UNC13A: variants seen among roughly 807,000 people sequenced by gnomAD.
UNC13A encodes the protein protein unc-13 homolog A.
A neutral mutation model predicts 219.7 loss-of-function variants in UNC13A; 61 were observed. That is an observed-to-expected ratio of 0.28 (90% CI 0.23 to 0.34). UNC13A has a LOEUF of 0.34. Among genes scored for constraint, UNC13A ranks in the 10% least tolerant of loss-of-function variants. The pLI is 1.00. For synonymous variants in UNC13A, 920 were observed against 884.6 expected (o/e 1.04, Z -0.71); for missense variants, 1,476 against 2,270.3 (o/e 0.65, Z 7.11).
intron 40 of UNC13A, 81 bp downstream of exon 40, chr19:17,618,340 G>A (rs1004693558): frequency 1.8e-5 from 25 of 1,414,146 alleles, no homozygotes; most frequent in African/African-American, 5.7e-5. Flanking sequence ...ATGTGGGTCC[G>A]AGGCGAGCCT....
intron 1 of UNC13A, among the ~76,000 whole-genome samples, chr19:17,679,050 G>A (rs1192705214): frequency 1.3e-5 from 2 of 152,096 alleles, no homozygotes; most frequent in Admixed American, 6.5e-5. Flanking sequence ...CTTGAGCCCA[G>A]GAGTTCAAGA....
rs1055095303 is a variant in UNC13A at position 17,674,680 on chromosome 19, G to C, written c.129C>G (p.Pro43=). ...STTIAVRGSQ[P]SWEQDFMFEI... ...ACAACATGAAATCCTGCTCCCAGCT[G>C]GGCTGGCTGCCCCGCACCGCGATGG... The change falls in exon 3 of 44, where the codon CCC becomes CCG. Residue 43 remains proline, a synonymous_variant. Transcript: ENST00000519716. This position sits in a 1 kb window ranked among gnomAD's most constrained non-coding sequence, Gnocchi z 5.0. The C allele has an allele frequency of 1.4e-5, 22 of 1,613,736 alleles. No individual in the cohort carries two copies. The highest frequency in any genetic ancestry group is 1.8e-5 in the Non-Finnish European group (21 of 1,179,860).
At chr19:17,625,445 C>T (rs2076772308) in intron 34 of UNC13A, among the ~76,000 whole-genome samples, 1 of 152,074 alleles carries the variant, frequency 6.6e-6, no homozygotes, top group Non-Finnish European at 1.5e-5. Context: ...AGGCAGTCCA[C>T]CAAGATCCAT....
rs767832908 is a variant in UNC13A at position 17,606,177 on chromosome 19, G to A, written c.4989C>T (p.Asp1663=). Residue 1663 remains aspartate, a synonymous_variant, in exon 44 of 44, where the codon GAC becomes GAT. Coordinates refer to ENST00000519716, the MANE Select transcript of UNC13A (RefSeq NM_001080421.3). ...GGATTCGCAGCACCGTGAGGCCCGTGTCGTCCATGTGGATGCGGCGGCCGA... is the reference window on the plus strand; with the variant it reads ...GGATTCGCAGCACCGTGAGGCCCGTATCGTCCATGTGGATGCGGCGGCCGA... ...LPLGRRIHMD[D]TGLTVLRILS... 4.8e-4 allele frequency: 759 copies of A among 1,569,138 alleles called. 1 individual carries two copies. The highest frequency in any genetic ancestry group is 5.9e-4 in the Non-Finnish European group (687 of 1,159,100).
rs1469665775 is a variant in UNC13A, at chr19:17,633,202, G to A, written c.3216-9C>T. On this transcript the variant is annotated splice_polypyrimidine_tract_variant and intron_variant, in intron 26 of 43. Coordinates refer to ENST00000519716, the MANE Select transcript of UNC13A (RefSeq NM_001080421.3). ...TCAGCTCCTGGGGAAACCTGGCAAA[G>A]TCATGGAAGTATAAAACTTTGGCAG... 1 of 1,613,972 alleles carries A rather than the reference G, an allele frequency of 6.2e-7. No homozygotes were observed. The highest frequency in any genetic ancestry group is 8.5e-7 in the Non-Finnish European group (1 of 1,179,878).
chr19:17,610,123 G>A, intron 42 of UNC13A, 24 bp from the exon 43 acceptor site: 1 of 1,613,378 alleles, frequency 6.2e-7, no homozygotes, highest in Non-Finnish European at 8.5e-7. Context: ...TAGAGGGTAA[G>A]ACAGGTCAGG....
At chr19:17,608,659 A>T (rs1775728430) in intron 43 of UNC13A, among the ~76,000 whole-genome samples, 3 of 150,966 alleles carry the variant, frequency 2.0e-5, no homozygotes, top group African/African-American at 7.3e-5. Context: ...CTGGGACTAC[A>T]GGCGCCCGCC....
At position 17,645,994 on chromosome 19, in the gene UNC13A, G is replaced by A; in HGVS notation, c.2162C>T (p.Pro721Leu). 1.2e-6 allele frequency: 2 copies of A among 1,612,862 alleles called. No homozygotes were observed. The highest frequency in any genetic ancestry group is 1.7e-6 in the Non-Finnish European group (2 of 1,179,406). The change falls in exon 18 of 44, where the codon CCG becomes CTG. Residue 721 changes from proline to leucine, a missense_variant. By Grantham distance (98) the Pro-to-Leu change is moderately conservative. This residue lies in a region of UNC13A where 66 missense variants were observed against 224.3 expected (regional missense o/e 0.29). Transcript: ENST00000519716. ...CAAGTGGAAATTCTCCTCCCACACC[G>A]GGTTGAGGTTCCCATAGATGGTTTT... ...RTKTIYGNLN[P>L]VWEENFHFEC...
At chr19:17,608,304 TATA>T (rs1273319351) in intron 43 of UNC13A, among the ~76,000 whole-genome samples, 10 of 139,636 alleles carry the variant, frequency 7.2e-5, no homozygotes, top group Admixed American at 2.3e-4. Flanking sequence ...ATATACTATA[TATA>T]ATTTTATTTA....
chr19:17,619,645 C>T (rs2076707134), intron 38 of UNC13A, among the ~76,000 whole-genome samples: 1 of 151,978 alleles, frequency 6.6e-6, no homozygotes, highest in African/African-American at 2.4e-5. Flanking sequence ...GTTGTCCAGG[C>T]TGGTCTTGAA....
intron 8 of UNC13A, among the ~76,000 whole-genome samples, chr19:17,661,100 G>C (rs1452914431): frequency 9.2e-6 from 1 of 109,050 alleles, no homozygotes; most frequent in African/African-American, 3.5e-5. Flanking sequence ...CACCACACCC[G>C]GCCCTTTTTT....
chr19:17,677,824 C>T (rs1284750179), intron 1 of UNC13A, among the ~76,000 whole-genome samples: 1 of 152,212 alleles, frequency 6.6e-6, no homozygotes, highest in African/African-American at 2.4e-5. Context: ...ATCTCCCTCC[C>T]AAATGCAATC....
At chr19:17,650,495 A>C (rs2079323755) in intron 12 of UNC13A, among the ~76,000 whole-genome samples, 1 of 152,172 alleles carries the variant, frequency 6.6e-6, no homozygotes, top group Non-Finnish European at 1.5e-5. Context: ...CCTGGGTGAC[A>C]GAGCGAGACT....
chr19:17,639,342 C>G, intron 24 of UNC13A, 94 bp downstream of exon 24: 1 of 1,564,086 alleles, frequency 6.4e-7, no homozygotes, highest in Admixed American at 1.9e-5. Flanking sequence ...CTGAGAAAGG[C>G]TGCCACTCTC....
chr19:17,622,276 T>A (rs2076737180), intron 36 of UNC13A, among the ~76,000 whole-genome samples: 1 of 152,190 alleles, frequency 6.6e-6, no homozygotes. Context: ...GATTCTGGCA[T>A]ATATTTACTA....
At position 17,658,241 on chromosome 19, in the gene UNC13A, A is replaced by G. The variant is rs746986786; in HGVS notation, c.588T>C (p.Asp196=). 1.9e-6 allele frequency: 3 copies of G among 1,613,548 alleles called. No homozygotes were observed. Among genetic ancestry groups the G allele is most frequent in the African/African-American group, 2.7e-5 (2 of 74,920 alleles). The change falls in exon 9 of 44, where the codon GAT becomes GAC. Residue 196 remains aspartate (D), a synonymous_variant. Transcript: ENST00000519716. The part of the protein sequence containing the change: ...HNDDPDSAVD[D]RDSDYRSETS... ...TTTCACTGCGGTAGTCACTGTCACG[A>G]TCATCCACTGCACTGTCGGGGTCAT...
chr19:17,623,229 G>A (rs1438394517), intron 36 of UNC13A: 3 of 385,698 alleles, frequency 7.8e-6, no homozygotes, highest in Non-Finnish European at 1.4e-5. Flanking sequence ...GGGCACGGGA[G>A]CAAGGTTGGA....
intron 30 of UNC13A, among the ~76,000 whole-genome samples, chr19:17,629,843 C>A (rs988873998): frequency 4.6e-5 from 7 of 150,790 alleles, no homozygotes; most frequent in Non-Finnish European, 1.0e-4. Flanking sequence ...TGATCTCAAC[C>A]CACACCTCAA....
Position 17,612,562 on chromosome 19 carries a change from T to G in UNC13A, c.4559-707A>C, listed in dbSNP as rs951457796. Among the ~76,000 whole-genome samples, 10 of 152,134 alleles carry G rather than the reference T, an allele frequency of 6.6e-5. No individual in the cohort carries two copies. In the South Asian group the frequency reaches 2.1e-3, roughly 31 times the overall value. On this transcript the variant is annotated intron_variant, in intron 41 of 43. Coordinates refer to ENST00000519716, the MANE Select transcript of UNC13A (RefSeq NM_001080421.3). ...AGAAAAATCCTATTAAGTCAGATCA[T>G]GTCGGCAGGGCGCGGTGGCTCACAG...
Sources: allele counts gnomAD v4.1 joint callset (sites outside exome capture counted in the v4.1 genomes callset), GRCh38; gene constraint gnomAD v4.1.1; regional missense constraint gnomAD v4.1.1; non-coding constraint Gnocchi (gnomAD v3.1); transcripts MANE v1.5; gene names NCBI Gene and HGNC (gene_info 2026-07-23, HGNC 2026-07-21).